Variants in CERS3 observed in about 807,000 individuals in gnomAD.
The protein encoded by CERS3 is LAG1 homolog, ceramide synthase 3.
A neutral mutation model predicts 50.3 loss-of-function variants in CERS3; 33 were observed. That is an observed-to-expected ratio of 0.66 (90% CI 0.50 to 0.88). The LOEUF (loss-of-function observed/expected upper bound fraction) is 0.88. Ranked by LOEUF, CERS3 falls within the 40% of genes least tolerant of loss-of-function variation. The pLI, the probability that CERS3 is intolerant of heterozygous loss-of-function variation, is 0.00. For missense variants in CERS3, 470 were observed against 460.3 expected (o/e 1.02, Z -0.19); for synonymous variants, 176 against 155.2 (o/e 1.13, Z -0.99).
chr15:100,475,278 A>G (rs763805841), intron 8 of CERS3, among the ~76,000 whole-genome samples: 10 of 152,228 alleles, frequency 6.6e-5, no homozygotes, highest in Non-Finnish European at 1.3e-4. Context: ...AGTTGACTGC[A>G]GTGTGTCCCT....
chr15:100,404,755 G>C (rs1365569457), intron 11 of CERS3, among the ~76,000 whole-genome samples: 1 of 152,198 alleles, frequency 6.6e-6, no homozygotes, highest in East Asian at 1.9e-4. Flanking sequence ...AGACAGGGTG[G>C]TGTTCACAAA....
intron 11 of CERS3, among the ~76,000 whole-genome samples, chr15:100,414,566 G>T (rs1452780383): frequency 6.6e-6 from 1 of 152,058 alleles, no homozygotes; most frequent in Non-Finnish European, 1.5e-5. Flanking sequence ...GCACGGTACT[G>T]GTACCAAAAC....
chr15:100,541,127 G>C (rs1044116130), intron 1 of CERS3, among the ~76,000 whole-genome samples: 1 of 152,178 alleles, frequency 6.6e-6, no homozygotes, highest in African/African-American at 2.4e-5. Flanking sequence ...TCTATCAACA[G>C]ATCAGCTGAG....
At chr15:100,440,309 T>C (rs12148130) in intron 11 of CERS3, among the ~76,000 whole-genome samples, 71,132 of 152,086 alleles carry the variant, frequency 0.47, 17,598 homozygotes, top group Non-Finnish European at 0.56. Context: ...GACCTGCACA[T>C]ACACATCCAG....
intron 11 of CERS3, among the ~76,000 whole-genome samples, chr15:100,436,389 G>A (rs570042060): frequency 6.6e-6 from 1 of 152,264 alleles, no homozygotes; most frequent in South Asian, 2.1e-4. Context: ...ACCAAACACT[G>A]CCTGTTCTCA....
Position 100,541,431 on chromosome 15 carries a change from C to G in CERS3, c.-355+3220G>C, listed in dbSNP as rs534225201. The stretch of plus-strand genomic sequence containing the variant: ...AGGTTGCAGTGAGCCAAGATCGTGC[C>G]ACTGCACTCCAGCCTGGGTGACAGA... On this transcript the variant is annotated intron_variant, in intron 1 of 12. Coordinates refer to the CERS3 transcript ENST00000284382. 5.9e-5 allele frequency among the ~76,000 whole-genome samples: 9 copies of G among 152,224 alleles called. No individual in the cohort carries two copies. In the South Asian group the frequency reaches 1.9e-3, roughly 32 times the overall value.
upstream of CERS3, among the ~76,000 whole-genome samples, chr15:100,532,588 A>AGATGGC (rs2036964357): frequency 6.6e-6 from 1 of 152,002 alleles, no homozygotes; most frequent in South Asian, 2.1e-4. Context: ...CAAGATGGCA[A>AGATGGC]AATCCTGTCT....
intron 8 of CERS3, among the ~76,000 whole-genome samples, chr15:100,474,231 T>A (rs2035056081): frequency 6.6e-6 from 1 of 152,200 alleles, no homozygotes; most frequent in Non-Finnish European, 1.5e-5. Flanking sequence ...CAACTCTGAA[T>A]ATATGTTAAA....
intron 11 of CERS3, among the ~76,000 whole-genome samples, chr15:100,411,602 C>T (rs376052657): frequency 2.0e-5 from 3 of 152,286 alleles, no homozygotes; most frequent in East Asian, 3.9e-4. Flanking sequence ...AATATCAACA[C>T]AGATATTGAA....
chr15:100,503,638 G>A (rs1289869784), intron 2 of CERS3: 1 of 468,020 alleles, frequency 2.1e-6, no homozygotes, highest in Non-Finnish European at 4.4e-6. Context: ...GCTCTACCAA[G>A]CCCAAAATGA....
At chr15:100,490,055 G>A (rs903321334) in intron 4 of CERS3, among the ~76,000 whole-genome samples, 6 of 152,136 alleles carry the variant, frequency 3.9e-5, no homozygotes, top group African/African-American at 9.7e-5. Flanking sequence ...TAAAATTACT[G>A]GGGATAGCTG....
At chr15:100,532,131 A>T (rs1484139291), upstream of CERS3, among the ~76,000 whole-genome samples, 1 of 152,200 alleles carries the variant, frequency 6.6e-6, no homozygotes, top group East Asian at 1.9e-4. Flanking sequence ...ACACAGTGCC[A>T]AAAGCTCTCC....
chr15:100,520,731 A>G (rs1238856983), intron 2 of CERS3, among the ~76,000 whole-genome samples: 1 of 152,034 alleles, frequency 6.6e-6, no homozygotes, highest in Non-Finnish European at 1.5e-5. Flanking sequence ...GTTGCCTTGG[A>G]TGGGAGCCCC....
intron 1 of CERS3, among the ~76,000 whole-genome samples, chr15:100,525,008 T>A (rs1269985468): frequency 6.6e-6 from 1 of 152,206 alleles, no homozygotes; most frequent in Non-Finnish European, 1.5e-5. Flanking sequence ...TTCAAGCTCC[T>A]TAATGTAATA....
chr15:100,513,828 T>A (rs77153769), intron 2 of CERS3, among the ~76,000 whole-genome samples: 2,036 of 152,272 alleles, frequency 0.013, 22 homozygotes, highest in East Asian at 0.029. Context: ...AAGTTCTTTT[T>A]TTAGCCTTGT....
chr15:100,450,279 CATGTGGCATGCA>C (rs1308376890), intron 11 of CERS3, among the ~76,000 whole-genome samples: 2 of 151,698 alleles, frequency 1.3e-5, no homozygotes, highest in Non-Finnish European at 2.9e-5. Flanking sequence ...ATTAGCTGGG[CATGTGGCATGCA>C]CCGGTAGTCC....
intron 1 of CERS3, among the ~76,000 whole-genome samples, chr15:100,534,609 G>C (rs528776563): frequency 6.6e-6 from 1 of 151,478 alleles, no homozygotes; most frequent in South Asian, 2.1e-4. Flanking sequence ...TGCTCACTGC[G>C]ATAAATGCAC....
chr15:100,417,226 C>A (rs1255455920), intron 11 of CERS3, among the ~76,000 whole-genome samples: 2 of 151,430 alleles, frequency 1.3e-5, no homozygotes, highest in African/African-American at 4.9e-5. Context: ...TGGGTGCGTG[C>A]ACCGTGCGTG....
In CERS3 at chr15:100,402,433, T is replaced by A. The variant is rs2030616794; in HGVS notation, c.*280A>T. ...AAAGCGAGCCCCTGAGAAAGTGACA[T>A]GCATGAGGGAGTGCAATTAGAACTG... On this transcript the variant is annotated 3_prime_UTR_variant, in exon 12 of 12. Coordinates refer to ENST00000679737, the MANE Select transcript of CERS3 (RefSeq NM_001378789.1). 1 of 377,822 alleles carries A rather than the reference T, an allele frequency of 2.6e-6. No homozygotes were observed. The highest frequency in any genetic ancestry group is 4.3e-5 in the Admixed American group (1 of 23,436). 23.4% of individuals were successfully genotyped at this position (377,822 alleles called of 1,614,324 possible).
Sources: gnomAD v4.1 joint callset for allele counts (sites outside exome capture counted in the v4.1 genomes callset) on GRCh38, gnomAD v4.1.1 for gene constraint, MANE v1.5 for transcripts, NCBI Gene and HGNC (gene_info 2026-07-23, HGNC 2026-07-21) for gene names.